CNBD2: variants seen among roughly 807,000 people sequenced by gnomAD.
CNBD2 encodes cyclic nucleotide-binding domain-containing protein 2.
A neutral mutation model predicts 63.7 loss-of-function variants in CNBD2; 64 were observed. That is an observed-to-expected ratio of 1.00 (90% confidence interval 0.82 to 1.24). The LOEUF is 1.24. Among genes scored for constraint, CNBD2 ranks in the 50% most tolerant of loss-of-function variants. The pLI, the probability that CNBD2 is intolerant of heterozygous loss-of-function variation, is 0.00. For synonymous variants in CNBD2, 229 were observed against 255.4 expected, an observed-to-expected ratio of 0.90 and a Z score of 0.99; for missense variants, 691 against 713.5, an observed-to-expected ratio of 0.97 and a Z score of 0.36.
In CNBD2 at chr20:35,999,987, T is replaced by C. The variant is rs150993781; in HGVS notation, c.970+4835T>C. On this transcript the variant is annotated intron_variant, in intron 8 of 11. Transcript: ENST00000373973. ...AGCCACCATACCCAGCTTAAACAAG[T>C]ATCTTTTTTGTATATTTAAAAAATA... is the stretch of plus-strand genomic sequence containing the variant. 7.7e-3 allele frequency among the ~76,000 whole-genome samples: 1,168 copies of C among 152,318 alleles called. 26 individuals are homozygous for C. The highest frequency in any genetic ancestry group is 0.054 in the East Asian group (282 of 5,192).
chr20:36,002,243 G>A (rs1311989879), intron 8 of CNBD2, among the ~76,000 whole-genome samples: 8 of 151,964 alleles, frequency 5.3e-5, no homozygotes, highest in South Asian at 2.1e-4. Flanking sequence ...AAAAAAATAC[G>A]AAAACCAGTC....
chr20:36,011,546 A>C (rs1299299389), intron 10 of CNBD2, among the ~76,000 whole-genome samples: 3 of 152,180 alleles, frequency 2.0e-5, no homozygotes, highest in East Asian at 3.9e-4. Flanking sequence ...TTAGCTGGGC[A>C]TGGTGGTGTA....
intron 10 of CNBD2, among the ~76,000 whole-genome samples, chr20:36,016,693 G>A (rs1053932938): frequency 6.6e-6 from 1 of 151,646 alleles, no homozygotes; most frequent in South Asian, 2.1e-4. Flanking sequence ...GGAAGCTGAG[G>A]CAGGAGAATC....
rs528356411 is a variant in CNBD2 at position 35,971,243 on chromosome 20, A to G, written c.52-1386A>G. Among the ~76,000 whole-genome samples the G allele has an allele frequency of 2.2e-3, 334 of 151,936 alleles. 1 individual carries two copies. Among genetic ancestry groups the G allele is most frequent in the East Asian group, 8.4e-3 (43 of 5,138 alleles). On this transcript the variant is annotated intron_variant, in intron 1 of 11. Transcript: ENST00000373973. ...TTTACAGGCATGAGCCACCGGGCCC[A>G]GCCTGGCTTTATGTATTTGTATATG...
intron 9 of CNBD2, 56 bp from the exon 10 acceptor site, chr20:36,011,081 G>C (rs2147330624): frequency 1.4e-6 from 2 of 1,397,476 alleles, no homozygotes; most frequent in Non-Finnish European, 9.4e-7. Context: ...ATTAGCCAGG[G>C]CCTCAGGAGC....
rs375905011 is a variant in CNBD2 at position 36,011,227 on chromosome 20, G to T, written c.1239G>T (p.Lys413Asn). 43 of 1,587,608 alleles carry T rather than the reference G, an allele frequency of 2.7e-5. No individual in the cohort carries two copies. The African/African-American group carries it at 5.3e-4, about 19-fold the overall frequency. The change falls in exon 10 of 12, where the codon AAG (lysine) becomes AAT (asparagine). Residue 413 changes from lysine (K) to asparagine (N), a missense_variant. Transcript: ENST00000373973. ...PKEAAVGAYV[K>N]VHTVEQGEIL... ...AGGCTGCAGTGGGGGCCTACGTGAA[G>T]GTGCACACTGTGGAGCAGGGAGAAA...
Position 36,008,345 on chromosome 20 carries a change from CT to C in CNBD2, c.1020del (p.Leu341CysfsTer7). 1 of 1,613,804 alleles carries C rather than the reference CT, an allele frequency of 6.2e-7. No individual in the cohort carries two copies. The highest frequency in any genetic ancestry group is 8.5e-7 in the Non-Finnish European group (1 of 1,179,908). On this transcript the variant is annotated frameshift_variant, in exon 9 of 12. Transcript: ENST00000373973. LOFTEE classifies it high-confidence loss of function. Reference protein sequence around the residue: ...RFKEFQIKSYPLQDFSSLKLP... With the variant: ...RFKEFQIKSYXLQDFSSLKLP... ...AAGGAATTCCAGATCAAATCATATCCTCTGCAAGACTTTAGCTCCTTGAAAC... is the reference window on the plus strand; with the variant it reads ...AAGGAATTCCAGATCAAATCATATCCCTGCAAGACTTTAGCTCCTTGAAAC...
chr20:35,971,017 G>A (rs1437805825), intron 1 of CNBD2, among the ~76,000 whole-genome samples: 5 of 144,574 alleles, frequency 3.5e-5, no homozygotes, highest in Admixed American at 7.0e-5. Context: ...GCGGGATCTC[G>A]GCTCACTGCA....
intron 3 of CNBD2, among the ~76,000 whole-genome samples, chr20:35,976,577 G>A (rs989338372): frequency 3.3e-5 from 5 of 152,136 alleles, no homozygotes; most frequent in Non-Finnish European, 7.4e-5. Context: ...GTGATAGAGC[G>A]AGGCCCCCTC....
intron 3 of CNBD2, among the ~76,000 whole-genome samples, chr20:35,976,320 G>A (rs2056518077): frequency 6.6e-6 from 1 of 152,240 alleles, no homozygotes; most frequent in African/African-American, 2.4e-5. Context: ...GAGGATGTGA[G>A]AGTCCCAGAG....
intron 8 of CNBD2, among the ~76,000 whole-genome samples, chr20:36,001,433 A>C (rs2056900357): frequency 1.4e-5 from 2 of 139,894 alleles, no homozygotes; most frequent in African/African-American, 5.4e-5. Flanking sequence ...ACTTCCCAGT[A>C]GGGGCGGCCG....
At chr20:36,003,292 T>A (rs1310466829) in intron 8 of CNBD2, among the ~76,000 whole-genome samples, 1 of 152,208 alleles carries the variant, frequency 6.6e-6, no homozygotes, top group Non-Finnish European at 1.5e-5. Context: ...TTCATATAGT[T>A]TATATTTTCC....
intron 10 of CNBD2, among the ~76,000 whole-genome samples, chr20:36,014,717 G>C (rs996950982): frequency 2.0e-5 from 3 of 151,956 alleles, no homozygotes; most frequent in African/African-American, 7.3e-5. Flanking sequence ...CTGCAGCCTT[G>C]AACTCCTGGG....
At chr20:36,002,538 G>T (rs1354533332) in intron 8 of CNBD2, among the ~76,000 whole-genome samples, 1 of 152,178 alleles carries the variant, frequency 6.6e-6, no homozygotes, top group African/African-American at 2.4e-5. Context: ...TGATCCACCT[G>T]CCTTGGCTTC....
chr20:36,015,680 G>C (rs1238248462), intron 10 of CNBD2, among the ~76,000 whole-genome samples: 4 of 152,164 alleles, frequency 2.6e-5, no homozygotes, highest in African/African-American at 9.7e-5. Flanking sequence ...TCTCCCAATG[G>C]TCAAAGCTGA....
intron 10 of CNBD2, among the ~76,000 whole-genome samples, chr20:36,018,066 T>C (rs1171083872): frequency 1.3e-5 from 2 of 152,260 alleles, no homozygotes; most frequent in Non-Finnish European, 2.9e-5. Context: ...TTTCCCCTGT[T>C]ATTAACATCT....
chr20:36,025,263 G>A (rs893688053), intron 11 of CNBD2, among the ~76,000 whole-genome samples: 1 of 152,166 alleles, frequency 6.6e-6, no homozygotes, highest in Non-Finnish European at 1.5e-5. Flanking sequence ...TATGGTAAGA[G>A]TCGTTTTCTC....
chr20:36,030,206 T>C (rs1458844056), intron 11 of CNBD2, 151 bp from the exon 12 acceptor site: 4 of 760,888 alleles, frequency 5.3e-6, no homozygotes, highest in South Asian at 1.8e-5. Flanking sequence ...GGAAGAAAAC[T>C]GTGGAAAGGG....
Position 36,023,720 on chromosome 20 carries a change from A to G in CNBD2, c.1388A>G (p.Asn463Ser), listed in dbSNP as rs768613367. 6.2e-6 allele frequency: 10 copies of G among 1,613,706 alleles called. No individual in the cohort carries two copies. Among genetic ancestry groups the G allele is most frequent in the Admixed American group, 3.3e-5 (2 of 59,930 alleles). Reference sequence around the variant, plus strand: ...GAAATATTTTATGAACTGATTGACAATGATGACGAGATGATAAAAAAGTTG... The same window carrying G: ...GAAATATTTTATGAACTGATTGACAGTGATGACGAGATGATAAAAAAGTTG... ...RKEIFYELID[N>S]DDEMIKKLLK... Residue 463 changes from asparagine (N) to serine (S), a missense_variant, in exon 11 of 12, where the codon AAT (asparagine) becomes AGT (serine). Asn to Ser is a conservative substitution (Grantham distance 46). Coordinates refer to ENST00000373973, the MANE Select transcript of CNBD2 (RefSeq NM_001365709.1).
Sources: allele counts gnomAD v4.1 joint callset (sites outside exome capture counted in the v4.1 genomes callset), GRCh38; gene constraint gnomAD v4.1.1; transcripts MANE v1.5; gene names NCBI Gene and HGNC (gene_info 2026-07-23, HGNC 2026-07-21).